The following HDLBP variants were observed in gnomAD, a reference collection of about 807,000 sequenced individuals.
HDLBP encodes vigilin.
Under a neutral mutation model 137.3 loss-of-function variants are expected in HDLBP, and 30 were observed. That is an observed-to-expected ratio of 0.22 (90% CI 0.16 to 0.30). The LOEUF (loss-of-function observed/expected upper bound fraction) is 0.30, where lower values mean the gene tolerates loss of function less well. Ranked by LOEUF, HDLBP falls within the 10% of genes least tolerant of loss-of-function variation. HDLBP has a pLI of 1.00. For synonymous variants in HDLBP, 606 were observed against 596.0 expected, an observed-to-expected ratio of 1.02 and a Z score of -0.24; for missense variants, 1,119 against 1,667.3, an observed-to-expected ratio of 0.67 and a Z score of 5.73.
intron 12 of HDLBP, among the ~76,000 whole-genome samples, chr2:241,249,088 T>C (rs1269295300): frequency 6.6e-6 from 1 of 152,010 alleles, no homozygotes; most frequent in Non-Finnish European, 1.5e-5. Context: ...GACTGGGGAA[T>C]GAGCTCCGGG....
At chr2:241,279,741 G>C (rs192924792) in intron 1 of HDLBP, among the ~76,000 whole-genome samples, 1 of 152,168 alleles carries the variant, frequency 6.6e-6, no homozygotes, top group Non-Finnish European at 1.5e-5. Flanking sequence ...AATACTCCAC[G>C]AGCGAACGAT....
At chr2:241,279,325 A>G (rs1463986933) in intron 1 of HDLBP, among the ~76,000 whole-genome samples, 1 of 152,252 alleles carries the variant, frequency 6.6e-6, no homozygotes, top group Non-Finnish European at 1.5e-5. Flanking sequence ...GTTGCATTGC[A>G]AACACTGAAT....
intron 3 of HDLBP, among the ~76,000 whole-genome samples, chr2:241,266,062 G>C (rs546672556): frequency 1.3e-5 from 2 of 152,266 alleles, no homozygotes; most frequent in South Asian, 4.1e-4. Flanking sequence ...GAACAACCTG[G>C]AGTAGAACAA....
chr2:241,269,746 C>T (rs1299233900), intron 1 of HDLBP, among the ~76,000 whole-genome samples: 2 of 152,168 alleles, frequency 1.3e-5, no homozygotes, highest in Non-Finnish European at 2.9e-5. Context: ...CAGATTAGCA[C>T]ATTCACAACT....
intron 8 of HDLBP, 48 bp from the exon 9 acceptor site, chr2:241,255,206 G>C (rs2072519589): frequency 6.4e-7 from 1 of 1,571,250 alleles, no homozygotes; most frequent in Non-Finnish European, 8.8e-7. Flanking sequence ...TCAAGGTCGT[G>C]TCACAGTGAA....
intron 5 of HDLBP, among the ~76,000 whole-genome samples, chr2:241,262,450 G>A (rs957994751): frequency 8.7e-5 from 10 of 114,362 alleles, no homozygotes; most frequent in Non-Finnish European, 2.0e-4. Context: ...GTGAGACTCT[G>A]TCTCTTAAAA....
In HDLBP at chr2:241,229,644, G is replaced by A. The variant is rs754247789; in HGVS notation, c.3764C>T (p.Ala1255Val). 1 of 1,614,128 alleles carries A rather than the reference G, an allele frequency of 6.2e-7. No homozygotes were observed. Among genetic ancestry groups the A allele is most frequent in the East Asian group, 2.2e-5 (1 of 44,882 alleles). Reference protein sequence around the residue: ...SSSEEFPSFGAQVAPKTLPWG... With the variant: ...SSSEEFPSFGVQVAPKTLPWG... ...AGGGAGGGTCTTGGGAGCCACCTGA[G>A]CCCCAAAGCTGGGAAATTCCTCAGA... Residue 1255 changes from alanine to valine, a missense_variant, in exon 28 of 28, where the codon GCT (alanine) becomes GTT (valine). Around this residue, in one of 4 missense-constraint regions of HDLBP, gnomAD observed 618 missense variants for 816.7 expected, o/e 0.76. Transcript: ENST00000310931.
At chr2:241,261,645 A>T (rs2149514998) in intron 5 of HDLBP, among the ~76,000 whole-genome samples, 1 of 152,344 alleles carries the variant, frequency 6.6e-6, no homozygotes, top group East Asian at 1.9e-4. Flanking sequence ...AAACTTTCAG[A>T]GCCTATTATG....
In HDLBP at chr2:241,240,170, C is replaced by CCA; in HGVS notation, c.2170-50_2170-49dup. ...GTTAGCCTGACACCACGTGCCTGGA[C>CCA]CACAGTGAGGAAGACAAGAGGGTCT... On this transcript the variant is annotated intron_variant, in intron 17 of 27. Coordinates refer to ENST00000310931, the MANE Select transcript of HDLBP (RefSeq NM_005336.6). This position sits in a 1 kb window ranked among gnomAD's most constrained non-coding sequence, Gnocchi z 5.5. The CCA allele has an allele frequency of 6.4e-7, 1 of 1,569,882 alleles. No individual in the cohort carries two copies. Among genetic ancestry groups the CCA allele is most frequent in the South Asian group, 1.1e-5 (1 of 90,142 alleles).
At chr2:241,258,261 G>A (rs2072869066) in intron 5 of HDLBP, among the ~76,000 whole-genome samples, 1 of 150,022 alleles carries the variant, frequency 6.7e-6, no homozygotes, top group African/African-American at 2.5e-5. Context: ...GCAGGCGAAT[G>A]GCGTGAACCC....
intron 1 of HDLBP, among the ~76,000 whole-genome samples, chr2:241,291,462 C>T (rs2075011919): frequency 6.6e-6 from 1 of 152,110 alleles, no homozygotes; most frequent in South Asian, 2.1e-4. Context: ...CAATCACATC[C>T]CCAGGTTTAT....
intron 1 of HDLBP, among the ~76,000 whole-genome samples, chr2:241,284,728 G>C (rs1445471869): frequency 6.6e-6 from 1 of 152,148 alleles, no homozygotes; most frequent in Non-Finnish European, 1.5e-5. Context: ...ATTGTTGTCT[G>C]ATTTTACAAA....
chr2:241,249,503 C>A, intron 12 of HDLBP: 7 of 508,858 alleles, frequency 1.4e-5, no homozygotes, highest in South Asian at 1.1e-4. Flanking sequence ...TACATGAGAA[C>A]CACCTGGGAT....
At chr2:241,302,157 C>T (rs370025902) in intron 1 of HDLBP, among the ~76,000 whole-genome samples, 2 of 151,820 alleles carry the variant, frequency 1.3e-5, no homozygotes, top group African/African-American at 2.4e-5. Context: ...ACTCAGGAGG[C>T]GGAGGCAAAA....
chr2:241,301,550 T>C (rs2075396525), intron 1 of HDLBP, among the ~76,000 whole-genome samples: 1 of 152,170 alleles, frequency 6.6e-6, no homozygotes, highest in Admixed American at 6.5e-5. Flanking sequence ...GGGTGAATAC[T>C]ACACACCTGT....
intron 1 of HDLBP, among the ~76,000 whole-genome samples, chr2:241,274,330 A>T (rs2074311597): frequency 6.6e-6 from 1 of 152,114 alleles, no homozygotes; most frequent in Admixed American, 6.5e-5. Context: ...CAAGGATATC[A>T]TCAGCAAAGC....
chr2:241,266,860 C>A lies in HDLBP; in HGVS notation c.10G>T (p.Val4Phe). 1 of 1,614,140 alleles carries A rather than the reference C, an allele frequency of 6.2e-7. No homozygotes were observed. Among genetic ancestry groups the A allele is most frequent in the South Asian group, 1.1e-5 (1 of 91,076 alleles). The part of the protein sequence containing the change: MSS[V>F]AVLTQESFAE... ...AAACTCTCTTGGGTCAAAACTGCAA[C>A]GGAACTCATGGTTGATCTCACACCT... is the stretch of plus-strand genomic sequence containing the variant. The change falls in exon 3 of 28, where the codon GTT (valine) becomes TTT (phenylalanine). Residue 4 changes from valine to phenylalanine, a missense_variant. Coordinates refer to ENST00000310931, the MANE Select transcript of HDLBP (RefSeq NM_005336.6).
chr2:241,264,361 CAAA>C (rs71933081), intron 4 of HDLBP, 84 bp downstream of exon 4: 590 of 784,714 alleles, frequency 7.5e-4, no homozygotes, highest in Middle Eastern at 8.2e-4. Flanking sequence ...GACTCTGTCT[CAAA>C]AAAAAAAAAA....
intron 1 of HDLBP, among the ~76,000 whole-genome samples, chr2:241,288,973 C>T (rs1036858206): frequency 6.6e-6 from 1 of 152,150 alleles, no homozygotes; most frequent in African/African-American, 2.4e-5. Flanking sequence ...TTCCTTCCTA[C>T]AATTTACATA....
Sources: allele counts gnomAD v4.1 joint callset (sites outside exome capture counted in the v4.1 genomes callset), GRCh38; gene constraint gnomAD v4.1.1; regional missense constraint gnomAD v4.1.1; non-coding constraint Gnocchi (gnomAD v3.1); transcripts MANE v1.5; gene names NCBI Gene and HGNC (gene_info 2026-07-23, HGNC 2026-07-21).